Variants in CEP152 observed in about 807,000 individuals in gnomAD.
CEP152 encodes centrosomal protein 152, also known as centrosomal protein of 152 kDa.
CEP152 carries 132 observed loss-of-function variants against 188.9 expected under a neutral mutation model. The observed-to-expected ratio is 0.70, with a 90% confidence interval of 0.61 to 0.81. The LOEUF (loss-of-function observed/expected upper bound fraction) is 0.81, where lower values mean the gene tolerates loss of function less well. Ranked by LOEUF, CEP152 falls within the 30% of genes least tolerant of loss-of-function variation. The pLI, the probability that CEP152 is intolerant of heterozygous loss-of-function variation, is 0.00. For missense variants in CEP152, 1,914 were observed against 1,969.8 expected (o/e 0.97, Z 0.54); for synonymous variants, 649 against 666.6 (o/e 0.97, Z 0.41).
At chr15:48,780,959 A>G (rs1361191497) in intron 12 of CEP152, among the ~76,000 whole-genome samples, 1 of 152,228 alleles carries the variant, frequency 6.6e-6, no homozygotes, top group Non-Finnish European at 1.5e-5. Context: ...AAATATCTGT[A>G]TTAAGCAGTA....
chr15:48,757,014 C>T (rs1894328924), intron 19 of CEP152, among the ~76,000 whole-genome samples: 1 of 151,978 alleles, frequency 6.6e-6, no homozygotes, highest in South Asian at 2.1e-4. Flanking sequence ...CTTTTAGTGG[C>T]TAGAACAGTT....
At chr15:48,729,104 T>C (rs1487006799) in intron 2 of CEP152, 1 of 152,214 alleles carries the variant, frequency 6.6e-6, no homozygotes, top group Non-Finnish European at 1.5e-5. Flanking sequence ...TAAATATTTG[T>C]TTAATGAATA....
intron 26 of CEP152, chr15:48,740,481 T>G (rs1420505142): frequency 2.6e-5 from 4 of 152,102 alleles, no homozygotes; most frequent in African/African-American, 9.7e-5. Context: ...AAACTACTAT[T>G]ATGTCCTACT....
At chr15:48,744,828 TA>T in intron 23 of CEP152, 67 bp downstream of exon 23, 12 of 1,436,280 alleles carry the variant, frequency 8.4e-6, no homozygotes, top group Non-Finnish European at 1.0e-5. Flanking sequence ...AATTGATACT[TA>T]AAAAAATTTA....
chr15:48,776,265 T>C (rs1895894540), intron 12 of CEP152, among the ~76,000 whole-genome samples: 2 of 152,106 alleles, frequency 1.3e-5, no homozygotes. Flanking sequence ...AAAATAAAAC[T>C]ATAGAAAGTA....
chr15:48,744,237 T>C lies in CEP152; in HGVS notation c.3835+3A>G. The C allele has an allele frequency of 6.2e-7, 1 of 1,613,932 alleles. No individual in the cohort carries two copies. Among genetic ancestry groups the C allele is most frequent in the South Asian group, 1.1e-5 (1 of 91,054 alleles). ...TCCTTAAAATCTTCAGAATTAAACT[T>C]ACATTTAATTTTTTTTACAGCTTTA... is the stretch of plus-strand genomic sequence containing the variant. On this transcript the variant is annotated splice_donor_region_variant and intron_variant, in intron 24 of 26. Coordinates refer to ENST00000380950, the MANE Select transcript of CEP152 (RefSeq NM_001194998.2).
Position 48,741,664 on chromosome 15 carries a change from T to C in CEP152, c.4030A>G (p.Thr1344Ala). The C allele has an allele frequency of 6.2e-7, 1 of 1,614,178 alleles. No homozygotes were observed. The highest frequency in any genetic ancestry group is 8.5e-7 in the Non-Finnish European group (1 of 1,180,018). ...GGTGTTTCCAGTAATTTTGCCATTG[T>C]AGCAAGTTTGCTAGCAGCATTCATA... is the stretch of plus-strand genomic sequence containing the variant. ...KIMNAASKLA[T>A]MAKLLETPIS... is the part of the protein sequence containing the mutation. Residue 1344 changes from threonine (T) to alanine (A), a missense_variant, in exon 26 of 27, where the codon ACA becomes GCA. Transcript: ENST00000380950.
intron 23 of CEP152, among the ~76,000 whole-genome samples, 183 bp from the exon 24 acceptor site, chr15:48,744,526 T>C (rs888646029): frequency 6.6e-6 from 1 of 152,232 alleles, no homozygotes; most frequent in Non-Finnish European, 1.5e-5. Flanking sequence ...ATAAATGTTA[T>C]GGTTGCTTCA....
At chr15:48,739,412 C>T in intron 26 of CEP152, 124 bp from the exon 27 acceptor site, 1 of 1,347,030 alleles carries the variant, frequency 7.4e-7, no homozygotes, top group Non-Finnish European at 9.6e-7. Context: ...TACTGTATTC[C>T]CAAAGAATGC....
At chr15:48,737,219 G>A (rs2140535083), downstream of CEP152, among the ~76,000 whole-genome samples, 1 of 152,250 alleles carries the variant, frequency 6.6e-6, no homozygotes, top group East Asian at 1.9e-4. Flanking sequence ...AAGTTATCTG[G>A]CTCTGGGTGG....
intron 20 of CEP152, among the ~76,000 whole-genome samples, chr15:48,752,814 G>A (rs183087790): frequency 1.3e-5 from 2 of 152,294 alleles, no homozygotes; most frequent in African/African-American, 4.8e-5. Context: ...AATCAGAATT[G>A]TTCTTGAAAA....
intron 2 of CEP152, among the ~76,000 whole-genome samples, chr15:48,801,233 AACAAAT>A (rs1161731365): frequency 6.6e-6 from 1 of 152,232 alleles, no homozygotes; most frequent in Admixed American, 6.5e-5. Flanking sequence ...GCTAAATGTA[AACAAAT>A]ACTAGCTTTA....
intron 2 of CEP152, among the ~76,000 whole-genome samples, chr15:48,802,822 T>C (rs1897758694): frequency 1.3e-5 from 2 of 152,214 alleles, no homozygotes; most frequent in Admixed American, 1.3e-4. Context: ...AAATCATAAT[T>C]GTAAAGCTGC....
At chr15:48,776,177 A>G (rs1423754109) in intron 12 of CEP152, among the ~76,000 whole-genome samples, 1 of 152,118 alleles carries the variant, frequency 6.6e-6, no homozygotes, top group Non-Finnish European at 1.5e-5. Flanking sequence ...ATTCACTTTC[A>G]AATAATTCAT....
intron 20 of CEP152, among the ~76,000 whole-genome samples, chr15:48,755,547 G>A (rs1449976566): frequency 5.3e-5 from 8 of 152,072 alleles, no homozygotes; most frequent in East Asian, 1.9e-4. Flanking sequence ...TGTGCTGAAC[G>A]TGAAGGTTTA....
At chr15:48,753,098 C>A (rs1256656671) in intron 20 of CEP152, among the ~76,000 whole-genome samples, 2 of 152,164 alleles carry the variant, frequency 1.3e-5, no homozygotes, top group African/African-American at 2.4e-5. Context: ...ATGTTCCAGT[C>A]CTTGTCACAG....
Position 48,732,654 on chromosome 15 carries a change from A to AT in CEP152, c.142+8976dup, listed in dbSNP as rs58160084. Reference sequence around the variant, plus strand: ...ACAAATCTGCATGTTCTGCACATGTATTTTTTTTTTTTAGAGTAAAGGAAA... The same window carrying AT: ...ACAAATCTGCATGTTCTGCACATGTATTTTTTTTTTTTTAGAGTAAAGGAAA... On this transcript the variant is annotated intron_variant and NMD_transcript_variant, in intron 2 of 3. Transcript: ENST00000561245. Among the ~76,000 whole-genome samples, 791 of 144,184 alleles carry AT rather than the reference A, an allele frequency of 5.5e-3. 3 individuals carry two copies. Among genetic ancestry groups the AT allele is most frequent in the African/African-American group, 0.014 (550 of 39,354 alleles). The allele number at this position is 144,184 out of a possible 152,430, so 94.6% of individuals were successfully genotyped here.
In CEP152 at chr15:48,742,043, G is replaced by T. The variant is rs762139526; in HGVS notation, c.3893C>A (p.Ala1298Glu). 2.5e-6 allele frequency: 4 copies of T among 1,613,942 alleles called. No individual in the cohort carries two copies. The highest frequency in any genetic ancestry group is 3.4e-6 in the Non-Finnish European group (4 of 1,179,982). ...TTCTTGACGTTCTCGCAGTACCTCT[G>T]CTTTTACCATTTCTGCAGCTCGTTC... ...SKERAAEMVK[A>E]EVLRERQETA... Residue 1298 changes from alanine to glutamate, a missense_variant, in exon 25 of 27, where the codon GCA (alanine) becomes GAA (glutamate). By Grantham distance (107) the Ala-to-Glu change is moderately radical (BLOSUM62 -1). Transcript: ENST00000380950.
At chr15:48,746,084 TA>T (rs1893398953) in intron 22 of CEP152, among the ~76,000 whole-genome samples, 1 of 152,048 alleles carries the variant, frequency 6.6e-6, no homozygotes, top group South Asian at 2.1e-4. Flanking sequence ...TAATAAACGC[TA>T]CCAAGAAAGT....
Sources: allele counts gnomAD v4.1 joint callset (sites outside exome capture counted in the v4.1 genomes callset), GRCh38; gene constraint gnomAD v4.1.1; transcripts MANE v1.5; gene names NCBI Gene and HGNC (gene_info 2026-07-23, HGNC 2026-07-21).